CCDC102B: variants seen among roughly 807,000 people sequenced by gnomAD.
The protein encoded by CCDC102B is coiled-coil domain containing 102B, also known as coiled-coil domain-containing protein 102B.
A neutral mutation model predicts 57.4 loss-of-function variants in CCDC102B; 75 were observed. The observed-to-expected ratio is 1.31, with a 90% confidence interval of 1.08 to 1.58. The LOEUF (loss-of-function observed/expected upper bound fraction) is 1.58. Among genes scored for constraint, CCDC102B ranks in the 40% most tolerant of loss-of-function variants. The pLI, the probability that CCDC102B is intolerant of heterozygous loss-of-function variation, is 0.00. For missense variants in CCDC102B, 636 were observed against 582.6 expected (o/e 1.09, Z -0.94); for synonymous variants, 206 against 201.9 (o/e 1.02, Z -0.17).
At chr18:68,880,587 C>T (rs149917946) in intron 5 of CCDC102B, among the ~76,000 whole-genome samples, 2 of 152,322 alleles carry the variant, frequency 1.3e-5, no homozygotes, top group Non-Finnish European at 2.9e-5. Flanking sequence ...TGAAGATAAC[C>T]CCATTTTCAT....
chr18:68,862,036 G>A (rs554192453), intron 4 of CCDC102B, among the ~76,000 whole-genome samples: 35 of 152,156 alleles, frequency 2.3e-4, no homozygotes, highest in African/African-American at 7.9e-4. Context: ...CTCTCTAAAT[G>A]TGTATGTTAT....
chr18:68,811,988 A>T (rs1157016596), intron 1 of CCDC102B, among the ~76,000 whole-genome samples: 2 of 152,228 alleles, frequency 1.3e-5, no homozygotes, highest in Non-Finnish European at 2.9e-5. Flanking sequence ...CTGGAAAAAA[A>T]GTATAAGATT....
chr18:68,779,544 CACA>C (rs1433167558), intron 2 of CCDC102B, among the ~76,000 whole-genome samples: 2 of 121,998 alleles, frequency 1.6e-5, no homozygotes, highest in East Asian at 4.8e-4. Context: ...CACATGTTAG[CACA>C]ACAATACGTC....
In CCDC102B at chr18:68,764,624, G is replaced by T. The variant is rs182753541; in HGVS notation, c.-67+48030G>T. On this transcript the variant is annotated intron_variant, in intron 2 of 3. Coordinates refer to the CCDC102B transcript ENST00000578970. Reference sequence around the variant, plus strand: ...GGTTATAGGCAGACTTGTAAAGAATGCCAGTGTATCTCTTATAACATTTTT... The same window carrying T: ...GGTTATAGGCAGACTTGTAAAGAATTCCAGTGTATCTCTTATAACATTTTT... 2.8e-3 allele frequency among the ~76,000 whole-genome samples: 433 copies of T among 152,298 alleles called. 1 individual carries two copies. Among genetic ancestry groups the T allele is most frequent in the African/African-American group, 1.0e-2 (415 of 41,570 alleles).
At chr18:68,916,198 T>C (rs1462954007) in intron 6 of CCDC102B, among the ~76,000 whole-genome samples, 7 of 152,020 alleles carry the variant, frequency 4.6e-5, no homozygotes, top group Non-Finnish European at 1.0e-4. Context: ...CTATTACATA[T>C]GTAATAGAAG....
chr18:69,013,393 G>A (rs2051573716), intron 7 of CCDC102B, among the ~76,000 whole-genome samples: 1 of 152,086 alleles, frequency 6.6e-6, no homozygotes, highest in South Asian at 2.1e-4. Context: ...TGGAAGGAGG[G>A]TAAATGATAA....
intron 1 of CCDC102B, among the ~76,000 whole-genome samples, chr18:68,819,253 C>T (rs1158922372): frequency 6.6e-6 from 1 of 152,048 alleles, no homozygotes; most frequent in Non-Finnish European, 1.5e-5. Flanking sequence ...TTTTAGTGAG[C>T]ATTCTATTGG....
At chr18:68,977,876 T>A (rs921828066) in intron 6 of CCDC102B, among the ~76,000 whole-genome samples, 1 of 152,030 alleles carries the variant, frequency 6.6e-6, no homozygotes, top group African/African-American at 2.4e-5. Context: ...ATCTTTGTTT[T>A]GGCTAGATCA....
In CCDC102B at chr18:69,054,274, G is replaced by T; in HGVS notation, c.*137G>T. On this transcript the variant is annotated 3_prime_UTR_variant, in exon 8 of 8. Coordinates refer to ENST00000360242, the MANE Select transcript of CCDC102B (RefSeq NM_024781.3). Reference sequence around the variant, plus strand: ...AACGTAGACAATACACAAATTAATGGGCTTCTTCACTTCTTCTAATTTTTG... The same window carrying T: ...AACGTAGACAATACACAAATTAATGTGCTTCTTCACTTCTTCTAATTTTTG... 2 of 1,318,008 alleles carry T rather than the reference G, an allele frequency of 1.5e-6. No homozygotes were observed. Among genetic ancestry groups the T allele is most frequent in the South Asian group, 2.3e-5 (1 of 44,138 alleles). The allele number at this position is 1,318,008 out of a possible 1,614,324, so 81.6% of individuals were successfully genotyped here.
At chr18:68,980,255 C>CTT (rs74712689) in intron 6 of CCDC102B, among the ~76,000 whole-genome samples, 14 of 141,116 alleles carry the variant, frequency 9.9e-5, no homozygotes, top group African/African-American at 3.1e-4. Context: ...ATATTCAATC[C>CTT]TTTTTTTTTT....
At chr18:69,012,784 G>A (rs932535375) in intron 7 of CCDC102B, among the ~76,000 whole-genome samples, 3 of 152,098 alleles carry the variant, frequency 2.0e-5, no homozygotes, top group African/African-American at 4.8e-5. Context: ...GTAGAAAGTC[G>A]TGTTTATTGT....
chr18:68,822,052 T>C (rs941703589), intron 1 of CCDC102B, among the ~76,000 whole-genome samples: 1 of 152,122 alleles, frequency 6.6e-6, no homozygotes, highest in Non-Finnish European at 1.5e-5. Context: ...TTTCTAAAAA[T>C]TATGAAAACT....
At chr18:69,027,325 A>G (rs1185806463) in intron 7 of CCDC102B, among the ~76,000 whole-genome samples, 1 of 152,186 alleles carries the variant, frequency 6.6e-6, no homozygotes, top group Non-Finnish European at 1.5e-5. Context: ...TGACATTATT[A>G]AAACGGTTTT....
intron 2 of CCDC102B, among the ~76,000 whole-genome samples, chr18:68,736,182 A>G (rs1384115891): frequency 2.0e-5 from 3 of 152,236 alleles, no homozygotes; most frequent in Non-Finnish European, 4.4e-5. Context: ...ACAATTCTAA[A>G]GGTTGTTTTA....
At chr18:68,807,851 C>A (rs1403718503) in intron 1 of CCDC102B, among the ~76,000 whole-genome samples, 1 of 151,762 alleles carries the variant, frequency 6.6e-6, no homozygotes, top group African/African-American at 2.4e-5. Flanking sequence ...AGGATGAAAA[C>A]CAGAAATATA....
chr18:69,008,871 T>C (rs189823054), intron 6 of CCDC102B, among the ~76,000 whole-genome samples: 8 of 152,288 alleles, frequency 5.3e-5, no homozygotes, highest in Admixed American at 2.6e-4. Context: ...TTTGGACATC[T>C]CTCCATGTGA....
intron 6 of CCDC102B, among the ~76,000 whole-genome samples, chr18:68,910,776 T>G (rs1469653818): frequency 6.6e-6 from 1 of 152,378 alleles, no homozygotes; most frequent in South Asian, 2.1e-4. Flanking sequence ...TGTGTTTGAC[T>G]TCCTCTGAAA....
At chr18:68,764,367 G>A (rs2034356814) in intron 2 of CCDC102B, among the ~76,000 whole-genome samples, 1 of 152,158 alleles carries the variant, frequency 6.6e-6, no homozygotes, top group Non-Finnish European at 1.5e-5. Context: ...TATGAGGAAA[G>A]TTTGCATGAC....
chr18:69,056,030 T>A (rs1176475827), downstream of CCDC102B, among the ~76,000 whole-genome samples: 2 of 152,134 alleles, frequency 1.3e-5, no homozygotes, highest in Non-Finnish European at 2.9e-5. Context: ...ATTTTCTAGA[T>A]GTATCAGGCA....
Sources: gnomAD v4.1 joint callset for allele counts (sites outside exome capture counted in the v4.1 genomes callset) on GRCh38, gnomAD v4.1.1 for gene constraint, MANE v1.5 for transcripts, NCBI Gene and HGNC (gene_info 2026-07-23, HGNC 2026-07-21) for gene names.